STAM2: variants seen among roughly 807,000 people sequenced by gnomAD.
The protein encoded by STAM2 is signal transducing adaptor molecule 2, also known as signal transducing adapter molecule 2.
A neutral mutation model predicts 65.6 loss-of-function variants in STAM2; 51 were observed. The observed-to-expected ratio is 0.78, with a 90% CI of 0.62 to 0.98. STAM2 has a LOEUF of 0.98. STAM2 is among the 50% of genes least tolerant of loss of function. The pLI is 0.00. For missense variants in STAM2, 584 were observed against 617.8 expected (o/e 0.95, Z 0.58); for synonymous variants, 198 against 208.4 (o/e 0.95, Z 0.43).
chr2:152,165,477 CAGAT>C (rs769722393), intron 1 of STAM2, among the ~76,000 whole-genome samples: 1 of 151,876 alleles, frequency 6.6e-6, no homozygotes, highest in African/African-American at 2.4e-5. Flanking sequence ...CAAAAAGTTA[CAGAT>C]AGAGAATCAA....
intron 13 of STAM2, among the ~76,000 whole-genome samples, chr2:152,121,151 T>C (rs1688847328): frequency 6.6e-6 from 1 of 152,166 alleles, no homozygotes; most frequent in South Asian, 2.1e-4. Context: ...AAAAAATTTT[T>C]GTTGTAGAGA....
rs201803866 is a variant in STAM2 at position 152,146,271 on chromosome 2, C to CAAA, written c.447+888_447+890dup. Among the ~76,000 whole-genome samples the CAAA allele has an allele frequency of 6.0e-3, 587 of 97,098 alleles. 5 individuals are homozygous for CAAA. The highest frequency in any genetic ancestry group is 7.9e-3 in the Non-Finnish European group (384 of 48,748). 63.7% of individuals were successfully genotyped at this position (97,098 alleles called of 152,430 possible). A position where few individuals can be genotyped will look rare whatever the true frequency, so the allele number is the denominator to read the frequency against. Reference sequence around the variant, plus strand: ...GGGCAACAAGAGCAAAACTCCATCTCAAAAAAAAAAAAAAAAAAATCTTTT... The same window carrying CAAA: ...GGGCAACAAGAGCAAAACTCCATCTCAAAAAAAAAAAAAAAAAAAAAATCTTTT... On this transcript the variant is annotated intron_variant, in intron 5 of 13. Coordinates refer to ENST00000263904, the MANE Select transcript of STAM2 (RefSeq NM_005843.6).
At chr2:152,159,896 T>C (rs11901219) in intron 1 of STAM2, among the ~76,000 whole-genome samples, 22,822 of 152,158 alleles carry the variant, frequency 0.15, 2,633 homozygotes, top group East Asian at 0.58. Context: ...GCCTGACTGG[T>C]TTTCCTATTT....
intron 1 of STAM2, among the ~76,000 whole-genome samples, chr2:152,153,690 CAA>C (rs754723165): frequency 1.3e-5 from 2 of 152,062 alleles, no homozygotes; most frequent in African/African-American, 2.4e-5. Context: ...TCCCTTGTGC[CAA>C]AAAGACTATT....
At chr2:152,170,085 C>A (rs1288004337) in intron 1 of STAM2, among the ~76,000 whole-genome samples, 3 of 151,256 alleles carry the variant, frequency 2.0e-5, no homozygotes, top group Non-Finnish European at 4.4e-5. Context: ...GATTTGTCCA[C>A]CTCAGCCTCC....
intron 7 of STAM2, among the ~76,000 whole-genome samples, chr2:152,139,206 TA>T (rs1229316707): frequency 6.6e-6 from 1 of 152,240 alleles, no homozygotes; most frequent in Non-Finnish European, 1.5e-5. Context: ...GTAGCATTTA[TA>T]TTTAGAGCTT....
chr2:152,166,424 T>C (rs1434950885), intron 1 of STAM2, among the ~76,000 whole-genome samples: 1 of 152,178 alleles, frequency 6.6e-6, no homozygotes, highest in East Asian at 1.9e-4. Context: ...ATCTGGGTGA[T>C]AGATGGTTAG....
intron 1 of STAM2, among the ~76,000 whole-genome samples, chr2:152,158,483 AAAT>A (rs1175044937): frequency 6.6e-6 from 1 of 152,162 alleles, no homozygotes; most frequent in Non-Finnish European, 1.5e-5. Context: ...CTCAAAAAAA[AAAT>A]AATAATAATT....
At chr2:152,167,705 G>A (rs1689812296) in intron 1 of STAM2, among the ~76,000 whole-genome samples, 1 of 151,042 alleles carries the variant, frequency 6.6e-6, no homozygotes, top group Admixed American at 6.6e-5. Context: ...GACCAGCCTG[G>A]ACAACATGGT....
Position 152,118,179 on chromosome 2 carries a change from C to A in STAM2, c.*2395G>T, listed in dbSNP as rs1192253763. ...GTAAGTATGAACCCAATGTAGAAAT[C>A]TGAAGTTAGACAATTCCCTTTGGCA... On this transcript the variant is annotated 3_prime_UTR_variant, in exon 14 of 14. Coordinates refer to ENST00000263904, the MANE Select transcript of STAM2 (RefSeq NM_005843.6). 6.6e-6 allele frequency: 1 copy of A among 151,832 alleles called. No homozygotes were observed. Among genetic ancestry groups the A allele is most frequent in the Non-Finnish European group, 1.5e-5 (1 of 67,908 alleles). 9.4% of individuals were successfully genotyped at this position (151,832 alleles called of 1,614,324 possible).
intron 7 of STAM2, among the ~76,000 whole-genome samples, chr2:152,136,904 T>C (rs1432359690): frequency 6.7e-6 from 1 of 150,162 alleles, no homozygotes; most frequent in Non-Finnish European, 1.5e-5. Context: ...TTTTTTTTTT[T>C]TTTTTTTTGA....
rs1228632475 is a variant in STAM2, at chr2:152,135,501, T to A, written c.799+8A>T. ...AATAGATCTAATGTCGTCTAAGATT[T>A]AACTTACCTGCCTCAGTCTCTATGT... is the stretch of plus-strand genomic sequence containing the variant. On this transcript the variant is annotated splice_region_variant and intron_variant, in intron 8 of 13. Coordinates refer to ENST00000263904, the MANE Select transcript of STAM2 (RefSeq NM_005843.6). 2 of 1,589,774 alleles carry A rather than the reference T, an allele frequency of 1.3e-6. No individual in the cohort carries two copies. Among genetic ancestry groups the A allele is most frequent in the Non-Finnish European group, 1.7e-6 (2 of 1,162,300 alleles).
chr2:152,135,398 A>G (rs1043501896), intron 8 of STAM2, 111 bp downstream of exon 8: 5 of 761,934 alleles, frequency 6.6e-6, no homozygotes, highest in Non-Finnish European at 1.1e-5. Flanking sequence ...CTATAAAGAA[A>G]TGATTTAAAA....
chr2:152,145,584 T>C (rs983933857), intron 5 of STAM2, among the ~76,000 whole-genome samples: 4 of 152,216 alleles, frequency 2.6e-5, no homozygotes, highest in African/African-American at 9.7e-5. Flanking sequence ...ATCTCAATTG[T>C]CCAAGGTCTC....
chr2:152,149,103 T>C (rs1689391736), intron 2 of STAM2, among the ~76,000 whole-genome samples: 1 of 152,212 alleles, frequency 6.6e-6, no homozygotes, highest in Non-Finnish European at 1.5e-5. Flanking sequence ...TTCACTTTTT[T>C]CATTGTTAAT....
rs1688773736 is a variant in STAM2 at position 152,117,699 on chromosome 2, A to G, written c.*2875T>C. The G allele has an allele frequency of 6.6e-6, 1 of 152,150 alleles. No individual in the cohort carries two copies. Among genetic ancestry groups the G allele is most frequent in the African/African-American group, 2.4e-5 (1 of 41,452 alleles). The allele number at this position is 152,150 out of a possible 1,614,324, so 9.4% of individuals were successfully genotyped here. ...TTCAATAAGCCCTCTCCTAGAACTC[A>G]GGGGCTTTTAAATTTATGTTTTTAC... On this transcript the variant is annotated 3_prime_UTR_variant, in exon 14 of 14. Transcript: ENST00000263904.
chr2:152,123,738 TA>T (rs1560208899), intron 13 of STAM2, 27 bp downstream of exon 13: 4 of 1,609,048 alleles, frequency 2.5e-6, no homozygotes, highest in Non-Finnish European at 3.4e-6. Flanking sequence ...TTAACACATA[TA>T]AAATTAACAC....
chr2:152,132,722 A>G (rs1054390961), intron 10 of STAM2, among the ~76,000 whole-genome samples: 3 of 152,190 alleles, frequency 2.0e-5, no homozygotes, highest in Admixed American at 1.3e-4. Context: ...AGCATAAAAA[A>G]CACGTTTTAA....
intron 1 of STAM2, among the ~76,000 whole-genome samples, chr2:152,166,534 T>C (rs1048139949): frequency 2.0e-5 from 3 of 152,182 alleles, no homozygotes; most frequent in African/African-American, 7.2e-5. Context: ...CACTTCAGAA[T>C]GTCAATAATT....
Sources: allele counts gnomAD v4.1 joint callset (sites outside exome capture counted in the v4.1 genomes callset), GRCh38; gene constraint gnomAD v4.1.1; transcripts MANE v1.5; gene names NCBI Gene and HGNC (gene_info 2026-07-23, HGNC 2026-07-21).